The following CFAP90 variants were observed in gnomAD, a reference collection of about 807,000 sequenced individuals.
The protein encoded by CFAP90 is cilia- and flagella-associated protein 90.
At chr5:7,850,775 C>T in the CFAP90 span, 1 of 1,171,540 alleles carries the variant, frequency 8.5e-7, no homozygotes, top group Non-Finnish European at 1.1e-6. Context: ...CCTCCGCGGC[C>T]GCCCGCCCCT....
the CFAP90 span, chr5:7,831,764 A>G: frequency 7.5e-7 from 1 of 1,329,204 alleles, no homozygotes; most frequent in Non-Finnish European, 1.1e-6. Context: ...GAGAAGGGGA[A>G]AGGAGGCTCC....
At chr5:7,844,819 G>A in the CFAP90 span, among the ~76,000 whole-genome samples, 7 of 152,140 alleles carry the variant, frequency 4.6e-5, no homozygotes, top group African/African-American at 1.7e-4. Flanking sequence ...AAAGGTGCTT[G>A]GTTCCTAAGC....
At chr5:7,851,068 C>G in the CFAP90 span, 11 of 1,235,100 alleles carry the variant, frequency 8.9e-6, no homozygotes, top group South Asian at 4.3e-4. Context: ...CCGTCCCGCC[C>G]GCCCAGGGGC....
chr5:7,843,620 T>G, the CFAP90 span, among the ~76,000 whole-genome samples: 13 of 152,222 alleles, frequency 8.5e-5, no homozygotes, highest in Non-Finnish European at 1.9e-4. Flanking sequence ...GTTTTTCCTC[T>G]TCCACTGATA....
At chr5:7,831,892 G>A in the CFAP90 span, 1 of 1,613,958 alleles carries the variant, frequency 6.2e-7, no homozygotes, top group Non-Finnish European at 8.5e-7. Context: ...CCTTGAGGCT[G>A]GGGATGTCGT....
At chr5:7,848,372 G>A in the CFAP90 span, among the ~76,000 whole-genome samples, 1 of 152,088 alleles carries the variant, frequency 6.6e-6, no homozygotes, top group Non-Finnish European at 1.5e-5. Context: ...AAGCAGAGAG[G>A]AGCTATCAGA....
At chr5:7,832,026 G>T in the CFAP90 span, 1 of 1,603,758 alleles carries the variant, frequency 6.2e-7, no homozygotes, top group Non-Finnish European at 8.5e-7. Context: ...GGCCTCTCCT[G>T]TTCCTGGTGA....
chr5:7,839,540 T>C, the CFAP90 span, among the ~76,000 whole-genome samples: 1 of 152,246 alleles, frequency 6.6e-6, no homozygotes, highest in Non-Finnish European at 1.5e-5. Flanking sequence ...AAAGGATATG[T>C]TCATTCATTT....
At chr5:7,830,506 A>C in the CFAP90 span, 1 of 152,380 alleles carries the variant, frequency 6.6e-6, no homozygotes, top group East Asian at 1.9e-4. Context: ...TTATGTTACT[A>C]TAAATATGGT....
the CFAP90 span, among the ~76,000 whole-genome samples, chr5:7,841,418 G>A: frequency 0.18 from 27,537 of 152,066 alleles, 2,968 homozygotes; most frequent in Middle Eastern, 0.27. Flanking sequence ...ACAGTGTGGC[G>A]ACTCCTCAAA....
At chr5:7,832,937 C>G in the CFAP90 span, among the ~76,000 whole-genome samples, 1 of 152,222 alleles carries the variant, frequency 6.6e-6, no homozygotes, top group African/African-American at 2.4e-5. Context: ...GTTATGGTGG[C>G]TTGGTAACTA....
At chr5:7,850,814 A>T in the CFAP90 span, 12 of 1,165,920 alleles carry the variant, frequency 1.0e-5, no homozygotes, top group Admixed American at 3.7e-4. Flanking sequence ...CCAGCCGCCC[A>T]GCCGCCCAGC....
chr5:7,832,775 A>G, the CFAP90 span, among the ~76,000 whole-genome samples: 3 of 152,314 alleles, frequency 2.0e-5, no homozygotes, highest in East Asian at 5.8e-4. Flanking sequence ...GGCATGAGCC[A>G]CCACACCCAG....
chr5:7,832,520 GAGA>G, the CFAP90 span, among the ~76,000 whole-genome samples: 2 of 151,494 alleles, frequency 1.3e-5, no homozygotes, highest in African/African-American at 2.4e-5. Context: ...CTTTTCTTTT[GAGA>G]AGGAGTCTTG....
the CFAP90 span, among the ~76,000 whole-genome samples, chr5:7,840,569 G>A: frequency 2.0e-5 from 3 of 152,142 alleles, no homozygotes; most frequent in East Asian, 1.9e-4. Flanking sequence ...TTGGGCTGAG[G>A]GTAGGAAGTG....
the CFAP90 span, among the ~76,000 whole-genome samples, chr5:7,839,501 G>A: frequency 5.9e-5 from 9 of 152,358 alleles, 1 homozygote; most frequent in Admixed American, 5.2e-4. Context: ...AGAATAGAAT[G>A]AGAATGCAAT....
At chr5:7,839,861 A>T in the CFAP90 span, among the ~76,000 whole-genome samples, 1 of 152,250 alleles carries the variant, frequency 6.6e-6, no homozygotes, top group African/African-American at 2.4e-5. Flanking sequence ...ACCAAAAAAA[A>T]TAAATTCATC....
At chr5:7,832,536 CT>C in the CFAP90 span, among the ~76,000 whole-genome samples, 1 of 152,078 alleles carries the variant, frequency 6.6e-6, no homozygotes, top group Non-Finnish European at 1.5e-5. Context: ...GAGTCTTGCT[CT>C]TGTCGCCCAG....
the CFAP90 span, among the ~76,000 whole-genome samples, chr5:7,842,478 C>T: frequency 6.6e-6 from 1 of 151,842 alleles, no homozygotes. Context: ...TGGGTGACTC[C>T]AGTAAATACT....
Sources: gnomAD v4.1 joint callset for allele counts (sites outside exome capture counted in the v4.1 genomes callset) on GRCh38, gnomAD v4.1.1 for gene constraint, MANE v1.5 for transcripts, NCBI Gene and HGNC (gene_info 2026-07-23, HGNC 2026-07-21) for gene names.